The following TNIK variants were observed in gnomAD, a reference collection of about 807,000 sequenced individuals.
The protein encoded by TNIK is TRAF2 and NCK-interacting protein kinase.
In TNIK, 49 loss-of-function variants were observed where a neutral mutation model predicts 191.3. The observed-to-expected ratio is 0.26, with a 90% CI of 0.20 to 0.32. The LOEUF is 0.32. Among genes scored for constraint, TNIK ranks in the 10% least tolerant of loss-of-function variants. The pLI, the probability that TNIK is intolerant of heterozygous loss-of-function variation, is 1.00. For missense variants in TNIK, 1,155 were observed against 1,702.3 expected, an observed-to-expected ratio of 0.68 and a Z score of 5.66; for synonymous variants, 594 against 600.9, an observed-to-expected ratio of 0.99 and a Z score of 0.17.
chr3:171,085,271 T>C (rs1350083168), intron 24 of TNIK, 42 bp from the exon 25 acceptor site: 34 of 1,525,978 alleles, frequency 2.2e-5, no homozygotes, highest in Admixed American at 6.0e-5. Context: ...AGATAAATAC[T>C]GCAGGAATAA....
chr3:171,364,516 A>G (rs1715426454), intron 2 of TNIK, among the ~76,000 whole-genome samples: 1 of 152,236 alleles, frequency 6.6e-6, no homozygotes, highest in Admixed American at 6.5e-5. Context: ...ACATAGCTCA[A>G]TTCTGGGCCC....
chr3:171,087,652 TAAG>T, intron 23 of TNIK, 146 bp from the exon 24 acceptor site: 1 of 944,920 alleles, frequency 1.1e-6, no homozygotes, highest in Non-Finnish European at 1.6e-6. Flanking sequence ...CTATTTTACT[TAAG>T]AAAACAAAAA....
chr3:171,174,248 C>T (rs945202593), intron 9 of TNIK, among the ~76,000 whole-genome samples: 1 of 152,020 alleles, frequency 6.6e-6, no homozygotes, highest in Non-Finnish European at 1.5e-5. Flanking sequence ...AGAGGTGAGC[C>T]TGTGTGTGGG....
intron 18 of TNIK, among the ~76,000 whole-genome samples, chr3:171,112,077 A>G (rs962206003): frequency 6.6e-6 from 1 of 152,178 alleles, no homozygotes; most frequent in Non-Finnish European, 1.5e-5. Flanking sequence ...TCAGAAAAAA[A>G]TGATAACTAT....
intron 1 of TNIK, among the ~76,000 whole-genome samples, chr3:171,373,415 CT>C: frequency 6.6e-6 from 1 of 152,302 alleles, no homozygotes; most frequent in Middle Eastern, 3.4e-3. Flanking sequence ...CACCACTCCC[CT>C]AATTTTGTTC....
chr3:171,091,958 T>TTTCTTTC (rs1560096912), intron 23 of TNIK, among the ~76,000 whole-genome samples: 12 of 120,388 alleles, frequency 1.0e-4, no homozygotes, highest in African/African-American at 2.9e-4. Flanking sequence ...TTCTTTCTTT[T>TTTCTTTC]TTTTTTTTTA....
At chr3:171,187,836 A>G (rs369212905) in intron 7 of TNIK, among the ~76,000 whole-genome samples, 17 of 152,194 alleles carry the variant, frequency 1.1e-4, no homozygotes, top group East Asian at 9.6e-4. Context: ...AACCAGCCCA[A>G]GCAGATCAAG....
chr3:171,297,943 A>C (rs1752488750), intron 2 of TNIK, among the ~76,000 whole-genome samples: 1 of 152,228 alleles, frequency 6.6e-6, no homozygotes, highest in Non-Finnish European at 1.5e-5. Flanking sequence ...TAAAATCTGC[A>C]CCTGCAATAC....
At chr3:171,369,490 C>T in intron 2 of TNIK, 130 bp downstream of exon 2, 1 of 574,946 alleles carries the variant, frequency 1.7e-6, no homozygotes, top group Non-Finnish European at 3.0e-6. Context: ...GATGGAGAGT[C>T]AATCAACAAG....
intron 27 of TNIK, 71 bp downstream of exon 27, chr3:171,082,180 T>TTTCTGCAGAAACAGTTAG: frequency 6.5e-7 from 1 of 1,548,260 alleles, no homozygotes; most frequent in Non-Finnish European, 8.8e-7. Context: ...GAACTAACTG[T>TTTCTGCAGAAACAGTTAG]TTCTGCAGAA....
intron 1 of TNIK, among the ~76,000 whole-genome samples, chr3:171,450,524 T>C (rs1020803347): frequency 2.6e-5 from 4 of 152,212 alleles, no homozygotes; most frequent in African/African-American, 9.6e-5. Flanking sequence ...GTAACTTCTC[T>C]GACCCCAAAT....
chr3:171,122,848 A>G (rs1184725550), intron 18 of TNIK, among the ~76,000 whole-genome samples: 2 of 152,212 alleles, frequency 1.3e-5, no homozygotes, highest in Non-Finnish European at 2.9e-5. Flanking sequence ...GGGAAGCTTG[A>G]TGAACTATAA....
chr3:171,084,983 T>C (rs1421091801), intron 25 of TNIK, 135 bp downstream of exon 25: 2 of 615,032 alleles, frequency 3.3e-6, no homozygotes, highest in Non-Finnish European at 5.3e-6. Flanking sequence ...ATAATAATTT[T>C]AAAAAGTCTT....
chr3:171,236,032 C>T (rs1402527849), intron 2 of TNIK, among the ~76,000 whole-genome samples: 1 of 152,146 alleles, frequency 6.6e-6, no homozygotes, highest in African/African-American at 2.4e-5. Flanking sequence ...ACGCAGTCCT[C>T]CAGGCACATG....
intron 1 of TNIK, among the ~76,000 whole-genome samples, chr3:171,442,692 C>T (rs1726974580): frequency 6.6e-6 from 1 of 152,132 alleles, no homozygotes; most frequent in South Asian, 2.1e-4. Context: ...TTTTCTGGTG[C>T]AATCAGTGAA....
At chr3:171,151,761 G>A (rs915599392) in intron 12 of TNIK, among the ~76,000 whole-genome samples, 2 of 152,180 alleles carry the variant, frequency 1.3e-5, no homozygotes, top group Admixed American at 1.3e-4. Flanking sequence ...GCTGTCCCAG[G>A]ACTTTCCAGA....
At chr3:171,082,563 T>C (rs1720832106) in intron 26 of TNIK, 169 bp from the exon 27 acceptor site, 1 of 760,774 alleles carries the variant, frequency 1.3e-6, no homozygotes. Context: ...ATTAAATCAT[T>C]GTACTTCTGG....
intron 1 of TNIK, chr3:171,439,554 G>T (rs1238670899): frequency 6.6e-6 from 1 of 152,082 alleles, no homozygotes; most frequent in African/African-American, 2.4e-5. Flanking sequence ...TGGTCACAAA[G>T]TATATTAGCT....
intron 1 of TNIK, among the ~76,000 whole-genome samples, chr3:171,412,093 G>A (rs1259275240): frequency 6.6e-6 from 1 of 152,204 alleles, no homozygotes; most frequent in East Asian, 1.9e-4. Context: ...GCTCTGCAAA[G>A]TCCAAAAACA....
Sources: gnomAD v4.1 joint callset for allele counts (sites outside exome capture counted in the v4.1 genomes callset) on GRCh38, gnomAD v4.1.1 for gene constraint, MANE v1.5 for transcripts, NCBI Gene and HGNC (gene_info 2026-07-23, HGNC 2026-07-21) for gene names.